The following TRPM7 variants were observed in gnomAD, a reference collection of about 807,000 sequenced individuals.
TRPM7 encodes LTRPC ion channel family member 7.
In TRPM7, 134 loss-of-function variants were observed where a neutral mutation model predicts 229.7. The observed-to-expected ratio is 0.58, with a 90% CI of 0.51 to 0.67. The LOEUF (loss-of-function observed/expected upper bound fraction) is 0.67. Among genes scored for constraint, TRPM7 ranks in the 30% least tolerant of loss-of-function variants. The probability of loss-of-function intolerance (pLI) is 0.00; values close to 1 mark genes in which losing one functional copy is unlikely to be tolerated. For missense variants in TRPM7, 1,901 were observed against 2,210.0 expected (o/e 0.86, Z 2.80); for synonymous variants, 699 against 715.2 (o/e 0.98, Z 0.36).
rs2061463438 is a variant in TRPM7 at position 50,652,880 on chromosome 15, G to A, written c.123-3995C>T. Reference sequence around the variant, plus strand: ...GCATTAGCATTACAAGAAAAGACTAGGCCGGGCACACTGGCTCGTGCCTGT... The same window carrying A: ...GCATTAGCATTACAAGAAAAGACTAAGCCGGGCACACTGGCTCGTGCCTGT... On this transcript the variant is annotated intron_variant, in intron 3 of 38. Coordinates refer to ENST00000646667, the MANE Select transcript of TRPM7 (RefSeq NM_017672.6). Among the ~76,000 whole-genome samples, 2 of 152,082 alleles carry A rather than the reference G, an allele frequency of 1.3e-5. 1 individual carries two copies. Among genetic ancestry groups the A allele is most frequent in the South Asian group, 4.2e-4 (2 of 4,816 alleles).
intron 3 of TRPM7, among the ~76,000 whole-genome samples, chr15:50,651,928 T>G (rs1486734406): frequency 1.3e-5 from 2 of 151,860 alleles, no homozygotes; most frequent in African/African-American, 4.8e-5. Flanking sequence ...AATAATTTTC[T>G]AAATAAAGGT....
chr15:50,594,941 T>C (rs2059595956), intron 23 of TRPM7, among the ~76,000 whole-genome samples: 1 of 152,140 alleles, frequency 6.6e-6, no homozygotes, highest in Admixed American at 6.5e-5. Context: ...GTGGTTCATG[T>C]CTATAATCTT....
At chr15:50,681,446 A>G (rs1165775712) in intron 1 of TRPM7, among the ~76,000 whole-genome samples, 4 of 152,344 alleles carry the variant, frequency 2.6e-5, no homozygotes, top group South Asian at 4.1e-4. Context: ...TTCATATAGT[A>G]AAGGCTAATG....
At chr15:50,594,374 TG>T in intron 24 of TRPM7, 54 bp downstream of exon 24, 1 of 1,403,838 alleles carries the variant, frequency 7.1e-7, no homozygotes, top group Non-Finnish European at 9.8e-7. Flanking sequence ...TAGCCTTTGG[TG>T]TAAAAATGAG....
At chr15:50,606,023 T>C (rs1409751904) in intron 20 of TRPM7, among the ~76,000 whole-genome samples, 1 of 152,218 alleles carries the variant, frequency 6.6e-6, no homozygotes, top group Non-Finnish European at 1.5e-5. Flanking sequence ...CAATTTCTTG[T>C]ATTCTCTAAA....
intron 26 of TRPM7, among the ~76,000 whole-genome samples, chr15:50,590,125 G>A (rs2059449713): frequency 6.6e-6 from 1 of 152,032 alleles, no homozygotes; most frequent in Non-Finnish European, 1.5e-5. Context: ...CAAAGTGCTG[G>A]GATTACAGGC....
intron 1 of TRPM7, among the ~76,000 whole-genome samples, chr15:50,669,402 T>G (rs2061944389): frequency 6.6e-6 from 1 of 151,586 alleles, no homozygotes; most frequent in Non-Finnish European, 1.5e-5. Flanking sequence ...GCCAGTGCAC[T>G]CCAGCCTGGG....
chr15:50,657,395 G>C (rs946634829), intron 3 of TRPM7, among the ~76,000 whole-genome samples: 2 of 152,128 alleles, frequency 1.3e-5, no homozygotes, highest in Non-Finnish European at 2.9e-5. Flanking sequence ...GAAATCAAAA[G>C]CATGTGCAAC....
chr15:50,568,944 C>G (rs2141465260), intron 38 of TRPM7, among the ~76,000 whole-genome samples: 1 of 152,314 alleles, frequency 6.6e-6, no homozygotes, highest in South Asian at 2.1e-4. Context: ...GATCGCACCA[C>G]TGCACTCCAG....
At chr15:50,648,599 C>A in intron 4 of TRPM7, 88 bp downstream of exon 4, 5 of 1,222,168 alleles carry the variant, frequency 4.1e-6, no homozygotes, top group Non-Finnish European at 5.6e-6. Context: ...TTACTGAGAC[C>A]AACTTTTTGT....
intron 3 of TRPM7, among the ~76,000 whole-genome samples, chr15:50,649,448 A>G (rs1192409442): frequency 3.3e-5 from 5 of 151,960 alleles, no homozygotes; most frequent in African/African-American, 1.2e-4. Flanking sequence ...AAAAAAAAAA[A>G]AAAGAAAGAA....
rs139410102 is a variant in TRPM7, at chr15:50,612,505, C to T, written c.2051+44G>A. 1,291 of 1,573,102 alleles carry T rather than the reference C, an allele frequency of 8.2e-4. 9 individuals carry two copies. In the African/African-American group the frequency reaches 0.015, roughly 19 times the overall value. ...GTAACAGCCACTCAAACAATACCTA[C>T]TTTGAATTTTTAAAATGTTTTCAAA... is the stretch of plus-strand genomic sequence containing the variant. On this transcript the variant is annotated intron_variant, in intron 16 of 38. Coordinates refer to ENST00000646667, the MANE Select transcript of TRPM7 (RefSeq NM_017672.6).
intron 36 of TRPM7, among the ~76,000 whole-genome samples, chr15:50,572,546 A>T (rs2053941710): frequency 6.6e-6 from 1 of 152,242 alleles, no homozygotes; most frequent in Non-Finnish European, 1.5e-5. Flanking sequence ...TGTACTGCAA[A>T]TCCAAAAAAT....
At chr15:50,647,420 C>T (rs1389694333) in intron 4 of TRPM7, among the ~76,000 whole-genome samples, 1 of 151,998 alleles carries the variant, frequency 6.6e-6, no homozygotes, top group East Asian at 1.9e-4. Flanking sequence ...CGTGAGCCAC[C>T]GTGCCTGACC....
chr15:50,581,209 A>G (rs554225812), intron 29 of TRPM7, among the ~76,000 whole-genome samples: 3 of 152,228 alleles, frequency 2.0e-5, no homozygotes, highest in South Asian at 2.1e-4. Flanking sequence ...CTTAAAATAT[A>G]TATTTGTGGC....
At chr15:50,586,859 A>C (rs1028288533) in intron 27 of TRPM7, among the ~76,000 whole-genome samples, 1 of 152,150 alleles carries the variant, frequency 6.6e-6, no homozygotes, top group Non-Finnish European at 1.5e-5. Flanking sequence ...TCTACTAAAA[A>C]TACAAAATCA....
At position 50,675,343 on chromosome 15, in the gene TRPM7, C is replaced by CAA. The variant is rs902240039; in HGVS notation, c.3+11186_3+11187dup. On this transcript the variant is annotated intron_variant, in intron 1 of 38. Transcript: ENST00000646667. ...AGGCGACAAGAGCAAAATTCCATTT[C>CAA]AAAAAAAAAAAAAGAAAATCTCCTA... 2.3e-5 allele frequency among the ~76,000 whole-genome samples: 3 copies of CAA among 133,332 alleles called. 1 individual carries two copies. The South Asian group carries it at 7.1e-4, about 31-fold the overall frequency. The allele number at this position is 133,332 out of a possible 152,430, so 87.5% of individuals were successfully genotyped here.
In TRPM7 at chr15:50,591,904, A is replaced by C; in HGVS notation, c.4324+7T>G. 6.5e-7 allele frequency: 1 copy of C among 1,535,970 alleles called. No individual in the cohort carries two copies. Among genetic ancestry groups the C allele is most frequent in the South Asian group, 1.3e-5 (1 of 75,320 alleles). ...TTGATATACAAATACGAATTTGCCA[A>C]ACTTACCTACAAATGCTCCAAATTC... is the stretch of plus-strand genomic sequence containing the variant. On this transcript the variant is annotated splice_region_variant and intron_variant, in intron 26 of 38. Coordinates refer to ENST00000646667, the MANE Select transcript of TRPM7 (RefSeq NM_017672.6).
intron 30 of TRPM7, among the ~76,000 whole-genome samples, 164 bp downstream of exon 30, chr15:50,580,710 A>T (rs1036140428): frequency 2.6e-5 from 4 of 152,174 alleles, no homozygotes; most frequent in Admixed American, 6.5e-5. Context: ...AATTCATAAT[A>T]AACTTGTTCC....
Sources: allele counts gnomAD v4.1 joint callset (sites outside exome capture counted in the v4.1 genomes callset), GRCh38; gene constraint gnomAD v4.1.1; transcripts MANE v1.5; gene names NCBI Gene and HGNC (gene_info 2026-07-23, HGNC 2026-07-21).